Variants in RAD23B observed in about 807,000 individuals in gnomAD.
RAD23B encodes the protein lysine-specific demethylase RAD23B.
Under a neutral mutation model 49.1 loss-of-function variants are expected in RAD23B, and 5 were observed. That is an observed-to-expected ratio of 0.10 (90% confidence interval 0.05 to 0.21). The LOEUF (loss-of-function observed/expected upper bound fraction) is 0.21. Among genes scored for constraint, RAD23B ranks in the 10% least tolerant of loss-of-function variants. The pLI is 1.00. For synonymous variants in RAD23B, 184 were observed against 165.4 expected (o/e 1.11, Z -0.86); for missense variants, 356 against 486.7 (o/e 0.73, Z 2.53).
chr9:107,316,071 G>T (rs922479576), intron 5 of RAD23B, among the ~76,000 whole-genome samples: 1 of 151,154 alleles, frequency 6.6e-6, no homozygotes, highest in Non-Finnish European at 1.5e-5. Context: ...GTGCAGTGGC[G>T]TGATCTTGGC....
Position 107,305,337 on chromosome 9 carries a change from T to G in RAD23B, c.229-1042T>G, listed in dbSNP as rs571607456. ...CAAAAGAAAATCACGAGAGAGAATA[T>G]TTTTAGTGTTCATTAAGTGTAAGTG... On this transcript the variant is annotated intron_variant, in intron 3 of 9. Transcript: ENST00000358015. 1.3e-3 allele frequency among the ~76,000 whole-genome samples: 198 copies of G among 152,196 alleles called. 1 individual carries two copies. The highest frequency in any genetic ancestry group is 4.4e-3 in the African/African-American group (182 of 41,552).
At chr9:107,316,205 G>A (rs1826991647) in intron 5 of RAD23B, among the ~76,000 whole-genome samples, 1 of 152,008 alleles carries the variant, frequency 6.6e-6, no homozygotes, top group East Asian at 1.9e-4. Flanking sequence ...TAGAGGCGGG[G>A]TTTCACCATG....
At chr9:107,284,717 A>G (rs1197177147) in intron 1 of RAD23B, 1 of 1,123,390 alleles carries the variant, frequency 8.9e-7, no homozygotes, top group Non-Finnish European at 1.1e-6. Flanking sequence ...TTAAACCAGC[A>G]GCTTTCTGCC....
chr9:107,288,106 G>C (rs1168212319), intron 1 of RAD23B, among the ~76,000 whole-genome samples: 2 of 152,164 alleles, frequency 1.3e-5, no homozygotes, highest in East Asian at 3.9e-4. Context: ...AAGAAACTGA[G>C]AAATCTGGTA....
intron 1 of RAD23B, among the ~76,000 whole-genome samples, chr9:107,286,948 A>G (rs534969580): frequency 6.6e-6 from 1 of 152,008 alleles, no homozygotes; most frequent in Non-Finnish European, 1.5e-5. Flanking sequence ...GGTGGCATGC[A>G]CCTGTAGTCC....
At chr9:107,287,943 G>A (rs1833308511) in intron 1 of RAD23B, among the ~76,000 whole-genome samples, 3 of 151,912 alleles carry the variant, frequency 2.0e-5, no homozygotes, top group Admixed American at 6.6e-5. Flanking sequence ...TTCCTGTGGT[G>A]GTTTATTGTA....
intron 4 of RAD23B, among the ~76,000 whole-genome samples, chr9:107,310,354 G>A (rs1358588108): frequency 6.6e-6 from 1 of 152,104 alleles, no homozygotes; most frequent in Non-Finnish European, 1.5e-5. Context: ...ATTATAACAG[G>A]AAAGATTGAT....
rs1827303471 is a variant in RAD23B at position 107,331,396 on chromosome 9, G to T, written c.*1740G>T. 9.1e-6 allele frequency: 3 copies of T among 328,326 alleles called. No homozygotes were observed. The highest frequency in any genetic ancestry group is 9.3e-5 in the Admixed American group (2 of 21,504). The allele number at this position is 328,326 out of a possible 1,614,324, so 20.3% of individuals were successfully genotyped here. On this transcript the variant is annotated 3_prime_UTR_variant, in exon 10 of 10. Transcript: ENST00000358015. ...CGCACGCCTGTGGTCCCAGCTACTT[G>T]GGAGGCTGAGGCATGAGAATTGCTT...
chr9:107,318,934 AG>A lies in RAD23B; in HGVS notation c.681+56del, dbSNP rs11573686. On this transcript the variant is annotated intron_variant, in intron 6 of 9. Transcript: ENST00000358015. The surrounding 1 kb of genome is among the most constrained non-coding windows in gnomAD (Gnocchi z 4.3). ...CTGTTGTTTAAGATTAAAATCTCAAAGAAACAGATTTTAAAGGACCAGTTCA... is the reference window on the plus strand; with the variant it reads ...CTGTTGTTTAAGATTAAAATCTCAAAAAACAGATTTTAAAGGACCAGTTCA... 3.1e-4 allele frequency: 467 copies of A among 1,529,962 alleles called. No homozygotes were observed. The highest frequency in any genetic ancestry group is 3.9e-4 in the Non-Finnish European group (439 of 1,120,138). 94.8% of individuals were successfully genotyped at this position (1,529,962 alleles called of 1,614,324 possible).
Position 107,331,892 on chromosome 9 carries a change from C to G in RAD23B, c.*2236C>G. 2.1e-6 allele frequency: 1 copy of G among 487,578 alleles called. No homozygotes were observed. The highest frequency in any genetic ancestry group is 4.3e-5 in the South Asian group (1 of 23,004). The allele number at this position is 487,578 out of a possible 1,614,324, so 30.2% of individuals were successfully genotyped here. On this transcript the variant is annotated 3_prime_UTR_variant, in exon 10 of 10. Coordinates refer to ENST00000358015, the MANE Select transcript of RAD23B (RefSeq NM_002874.5). ...CCATAAAAGAAATAGGCTTTTTGTG[C>G]CTTTTGCTGTTAATGTTTAATTTAC...
At chr9:107,326,153 A>G (rs1827197911) in intron 9 of RAD23B, among the ~76,000 whole-genome samples, 1 of 152,084 alleles carries the variant, frequency 6.6e-6, no homozygotes, top group African/African-American at 2.4e-5. Context: ...GCATCTGTTC[A>G]TAAGTCATAT....
intron 1 of RAD23B, among the ~76,000 whole-genome samples, chr9:107,292,438 T>C (rs1203465670): frequency 6.6e-6 from 1 of 152,120 alleles, no homozygotes; most frequent in Non-Finnish European, 1.5e-5. Flanking sequence ...CCCAGCACTT[T>C]GGGAGGCTGA....
In RAD23B at chr9:107,324,919, G is replaced by A. The variant is rs781468979; in HGVS notation, c.1031G>A (p.Gly344Asp). ...EAGGQGGGGG[G>D]GSGGIAEAGS... ...GGTGGTCAAGGAGGAGGAGGTGGAGGTGGCAGTGGAGGAATTGCAGAAGCT... is the reference window on the plus strand; with the variant it reads ...GGTGGTCAAGGAGGAGGAGGTGGAGATGGCAGTGGAGGAATTGCAGAAGCT... The change falls in exon 9 of 10, where the codon GGT (glycine) becomes GAT (aspartate). Residue 344 changes from glycine (G) to aspartate (D), a missense_variant. Gly to Asp is a moderately conservative substitution (Grantham distance 94). Coordinates refer to ENST00000358015, the MANE Select transcript of RAD23B (RefSeq NM_002874.5). The A allele has an allele frequency of 5.6e-6, 9 of 1,613,676 alleles. No individual in the cohort carries two copies. The South Asian group carries it at 9.9e-5, about 18-fold the overall frequency.
At chr9:107,327,519 T>C (rs1827230231) in intron 9 of RAD23B, among the ~76,000 whole-genome samples, 1 of 152,240 alleles carries the variant, frequency 6.6e-6, no homozygotes, top group Non-Finnish European at 1.5e-5. Flanking sequence ...TGGTTTCTAA[T>C]TTAATTCATT....
chr9:107,301,928 A>G (rs1826662313), intron 2 of RAD23B, 107 bp from the exon 3 acceptor site: 1 of 1,418,396 alleles, frequency 7.1e-7, no homozygotes, highest in African/African-American at 1.5e-5. Flanking sequence ...GGTGATTCAT[A>G]TTTTAATATT....
chr9:107,311,058 C>T (rs11573676), intron 4 of RAD23B, among the ~76,000 whole-genome samples: 94 of 152,324 alleles, frequency 6.2e-4, no homozygotes, highest in African/African-American at 2.2e-3. Flanking sequence ...CTTGGTCTTT[C>T]ATAATTTTCT....
intron 1 of RAD23B, among the ~76,000 whole-genome samples, chr9:107,286,278 T>G (rs1411826552): frequency 6.6e-6 from 1 of 152,172 alleles, no homozygotes; most frequent in East Asian, 1.9e-4. Flanking sequence ...TTTAGTGAGC[T>G]TTGCTGGCAG....
At chr9:107,292,652 C>T (rs946778654) in intron 1 of RAD23B, among the ~76,000 whole-genome samples, 2 of 140,280 alleles carry the variant, frequency 1.4e-5, no homozygotes, top group African/African-American at 5.4e-5. Context: ...TACACTCCAG[C>T]CTGGTGACAG....
chr9:107,292,563 T>C (rs1969798), intron 1 of RAD23B, among the ~76,000 whole-genome samples: 112,899 of 151,580 alleles, frequency 0.74, 42,981 homozygotes, highest in African/African-American at 0.92. Flanking sequence ...ACCTGTAGTC[T>C]CAGCTACTTG....
Sources: gnomAD v4.1 joint callset for allele counts (sites outside exome capture counted in the v4.1 genomes callset) on GRCh38, gnomAD v4.1.1 for gene constraint, Gnocchi (gnomAD v3.1) non-coding constraint, MANE v1.5 for transcripts, NCBI Gene and HGNC (gene_info 2026-07-23, HGNC 2026-07-21) for gene names.